Variants in WAC observed in about 807,000 individuals in gnomAD.
WAC encodes the protein WW domain-containing adapter protein with coiled-coil.
WAC carries 11 observed loss-of-function variants against 79.6 expected under a neutral mutation model. That is an observed-to-expected ratio of 0.14 (90% CI 0.09 to 0.23). The LOEUF (loss-of-function observed/expected upper bound fraction) is 0.23, where lower values mean the gene tolerates loss of function less well. WAC is among the 10% of genes least tolerant of loss of function. WAC has a pLI of 1.00. For missense variants in WAC, 728 were observed against 773.5 expected (o/e 0.94, Z 0.70); for synonymous variants, 304 against 276.9 (o/e 1.10, Z -0.97).
intron 11 of WAC, chr10:28,615,870 CT>C (rs1441156586): frequency 4.2e-6 from 1 of 236,354 alleles, no homozygotes; most frequent in Non-Finnish European, 8.2e-6. Context: ...TAAAATGTGA[CT>C]TTTTTTAGTT....
At chr10:28,579,641 A>G (rs1839431890) in intron 3 of WAC, among the ~76,000 whole-genome samples, 1 of 152,232 alleles carries the variant, frequency 6.6e-6, no homozygotes, top group Non-Finnish European at 1.5e-5. Flanking sequence ...GTATGGCTCT[A>G]GAAAATCATA....
intron 3 of WAC, among the ~76,000 whole-genome samples, chr10:28,568,755 A>T (rs531114397): frequency 4.0e-5 from 6 of 151,892 alleles, no homozygotes; most frequent in Non-Finnish European, 7.4e-5. Flanking sequence ...CTTATTTATT[A>T]CAGAGACGGG....
chr10:28,538,581 CAA>C lies in WAC; in HGVS notation c.274+2843_274+2844del, dbSNP rs34777121. ...TGGGAGACGGATTGAGACCCTGTCT[CAA>C]AAAAAAAAAAAAAAAAAAGAATTCA... On this transcript the variant is annotated intron_variant, in intron 3 of 13. Coordinates refer to ENST00000354911, the MANE Select transcript of WAC (RefSeq NM_016628.5). Among the ~76,000 whole-genome samples, 313 of 98,256 alleles carry C rather than the reference CAA, an allele frequency of 3.2e-3. 1 individual carries two copies. Among genetic ancestry groups the C allele is most frequent in the South Asian group, 0.014 (40 of 2,920 alleles). 64.5% of individuals were successfully genotyped at this position (98,256 alleles called of 152,430 possible). A position where few individuals can be genotyped will look rare whatever the true frequency, so the allele number is the denominator to read the frequency against.
chr10:28,551,270 A>G (rs1837652244), intron 3 of WAC, among the ~76,000 whole-genome samples: 1 of 152,100 alleles, frequency 6.6e-6, no homozygotes, highest in Admixed American at 6.5e-5. Context: ...CTGGTGATTC[A>G]TTATGTTGTG....
At chr10:28,583,342 A>G in intron 3 of WAC, 57 bp from the exon 4 acceptor site, 1 of 1,286,104 alleles carries the variant, frequency 7.8e-7, no homozygotes, top group Middle Eastern at 2.0e-4. Context: ...AAAACAGTTT[A>G]GATTAAACAT....
chr10:28,601,954 C>T (rs1033237336), intron 7 of WAC, among the ~76,000 whole-genome samples: 6 of 152,000 alleles, frequency 3.9e-5, no homozygotes, highest in African/African-American at 1.2e-4. Context: ...GTTCTGGAGA[C>T]GTATAGTGGT....
At chr10:28,559,136 A>ATGTGTGTGTGTGTGTGTGTGTGTGTGTG (rs111740298) in intron 3 of WAC, among the ~76,000 whole-genome samples, 12 of 146,660 alleles carry the variant, frequency 8.2e-5, no homozygotes, top group Non-Finnish European at 1.2e-4. Flanking sequence ...GAGAAACCTG[A>ATGTGTGTGTGTGTGTGTGTGTGTGTGTG]TGTGTGTGTG....
intron 3 of WAC, among the ~76,000 whole-genome samples, chr10:28,575,924 A>G (rs955341309): frequency 1.3e-5 from 2 of 152,172 alleles, no homozygotes; most frequent in Non-Finnish European, 2.9e-5. Context: ...TACCTTTTCT[A>G]TGTTTAGATA....
chr10:28,556,735 G>A (rs962986234), intron 3 of WAC, among the ~76,000 whole-genome samples: 3 of 152,002 alleles, frequency 2.0e-5, no homozygotes, highest in Non-Finnish European at 2.9e-5. Flanking sequence ...GTTACTGATT[G>A]TATATGGTGT....
At chr10:28,574,352 T>C (rs1839135138) in intron 3 of WAC, among the ~76,000 whole-genome samples, 1 of 152,144 alleles carries the variant, frequency 6.6e-6, no homozygotes, top group Non-Finnish European at 1.5e-5. Flanking sequence ...TTCCCCATGT[T>C]GGCCAGGCTG....
At chr10:28,594,899 TG>T (rs1246554906) in intron 6 of WAC, among the ~76,000 whole-genome samples, 2 of 152,224 alleles carry the variant, frequency 1.3e-5, no homozygotes, top group East Asian at 3.8e-4. Context: ...TCGTTCTTTT[TG>T]TACTGTTTTG....
chr10:28,534,257 T>A (rs1307917769), intron 2 of WAC: 2 of 441,902 alleles, frequency 4.5e-6, no homozygotes, highest in African/African-American at 2.1e-5. Context: ...GTTCGCTGAT[T>A]TAGGAAAAAA....
rs1377259274 is a variant in WAC, at chr10:28,614,614, A to G, written c.1485A>G (p.Thr495=). 2 of 1,614,080 alleles carry G rather than the reference A, an allele frequency of 1.2e-6. No homozygotes were observed. The highest frequency in any genetic ancestry group is 2.7e-5 in the African/African-American group (2 of 74,930). The change falls in exon 11 of 14, where the codon ACA becomes ACG. Residue 495 remains threonine, a synonymous_variant. Transcript: ENST00000354911. ...VKQGPVSQSA[T]QQPVTADKQQ... is the part of the protein sequence containing the mutation. ...AAGGACCAGTGTCACAGTCAGCCAC[A>G]CAGCAGCCTGTAACTGCTGACAAGC... is the stretch of plus-strand genomic sequence containing the variant.
intron 4 of WAC, among the ~76,000 whole-genome samples, chr10:28,585,143 AAAAC>A (rs1054598541): frequency 6.6e-6 from 1 of 152,184 alleles, no homozygotes; most frequent in Non-Finnish European, 1.5e-5. Context: ...ATACTGAAAA[AAAAC>A]AAAGGAACCC....
intron 3 of WAC, among the ~76,000 whole-genome samples, chr10:28,547,934 CTTT>C (rs368141317): frequency 1.2e-5 from 1 of 83,516 alleles, no homozygotes; most frequent in Admixed American, 1.2e-4. Context: ...TTTTTTTCTT[CTTT>C]GAGAGAGAGT....
chr10:28,556,559 G>A (rs565800448), intron 3 of WAC, among the ~76,000 whole-genome samples: 1 of 151,320 alleles, frequency 6.6e-6, no homozygotes, highest in East Asian at 1.9e-4. Flanking sequence ...AAGCTTTTTA[G>A]TGTGATATAG....
chr10:28,556,307 GTGATA>G lies in WAC; in HGVS notation c.274+20551_274+20555del, dbSNP rs1159278189. On this transcript the variant is annotated intron_variant, in intron 3 of 13. Transcript: ENST00000354911. ...AGTTTGATTTGCATTTCTCTGATTA[GTGATA>G]CTAAGCACTTTTTAATATACCTGTC... Among the ~76,000 whole-genome samples the G allele has an allele frequency of 3.5e-4, 52 of 148,262 alleles. No individual in the cohort carries two copies. The East Asian group carries it at 7.0e-3, about 20-fold the overall frequency.
intron 3 of WAC, among the ~76,000 whole-genome samples, chr10:28,540,073 C>G (rs1430985789): frequency 1.3e-5 from 2 of 151,962 alleles, no homozygotes; most frequent in African/African-American, 4.8e-5. Context: ...CATGGTCTTA[C>G]CGTTGTTTAG....
At chr10:28,591,919 G>A (rs1264106716) in intron 6 of WAC, 1 of 151,354 alleles carries the variant, frequency 6.6e-6, no homozygotes, top group Non-Finnish European at 1.5e-5. Context: ...ATTTCAAGAT[G>A]ATGTTTTCTG....
Sources: gnomAD v4.1 joint callset for allele counts (sites outside exome capture counted in the v4.1 genomes callset) on GRCh38, gnomAD v4.1.1 for gene constraint, MANE v1.5 for transcripts, NCBI Gene and HGNC (gene_info 2026-07-23, HGNC 2026-07-21) for gene names.